The following TTC7A variants were observed in gnomAD, a reference collection of about 807,000 sequenced individuals.
TTC7A encodes tetratricopeptide repeat domain 7A, also known as tetratricopeptide repeat protein 7A.
In TTC7A, 110 loss-of-function variants were observed where a neutral mutation model predicts 103.7. That is an observed-to-expected ratio of 1.06 (90% confidence interval 0.91 to 1.24). The LOEUF (loss-of-function observed/expected upper bound fraction) is 1.24. Among genes scored for constraint, TTC7A ranks in the 50% most tolerant of loss-of-function variants. The pLI is 0.00. For missense variants in TTC7A, 1,340 were observed against 1,116.3 expected, an observed-to-expected ratio of 1.20 and a Z score of -2.86; for synonymous variants, 521 against 467.9, an observed-to-expected ratio of 1.11 and a Z score of -1.47.
At chr2:47,066,029 TA>T (rs1684151972) in intron 19 of TTC7A, 2 of 152,086 alleles carry the variant, frequency 1.3e-5, no homozygotes, top group African/African-American at 4.8e-5. Context: ...ACCCCAGCAG[TA>T]GTGGGGAGAT....
Position 47,044,961 on chromosome 2 carries a change from G to A in TTC7A, c.1803-1354G>A, listed in dbSNP as rs144527521. Among the ~76,000 whole-genome samples, 777 of 152,334 alleles carry A rather than the reference G, an allele frequency of 5.1e-3. 2 individuals carry two copies. The highest frequency in any genetic ancestry group is 7.9e-3 in the Non-Finnish European group (537 of 68,024). ...TGCCAGGGGCAGGCCTGGCCTCACC[G>A]GGTGGCACCTGCAGCCTTCGCAGTC... is the stretch of plus-strand genomic sequence containing the variant. On this transcript the variant is annotated intron_variant, in intron 15 of 19. Coordinates refer to ENST00000319190, the MANE Select transcript of TTC7A (RefSeq NM_020458.4).
At chr2:47,068,570 AGAG>A (rs1251441934) in intron 19 of TTC7A, 1 of 152,040 alleles carries the variant, frequency 6.6e-6, no homozygotes, top group Admixed American at 6.6e-5. Flanking sequence ...ATGGGAAAGT[AGAG>A]GAGACGAAAG....
chr2:46,925,617 A>G (rs1046417877), intron 2 of TTC7A, among the ~76,000 whole-genome samples: 4 of 152,202 alleles, frequency 2.6e-5, no homozygotes, highest in South Asian at 2.1e-4. Context: ...GACTGTATCA[A>G]CTGACTCATT....
chr2:47,051,327 C>T (rs1007333553), intron 17 of TTC7A, among the ~76,000 whole-genome samples: 12 of 152,096 alleles, frequency 7.9e-5, no homozygotes, highest in Non-Finnish European at 2.9e-5. Context: ...CTATATAGTG[C>T]GAACATCTTT....
intron 15 of TTC7A, among the ~76,000 whole-genome samples, chr2:47,041,397 G>A (rs897445350): frequency 6.6e-6 from 1 of 152,172 alleles, no homozygotes; most frequent in African/African-American, 2.4e-5. Context: ...CAAGATAAAC[G>A]GTGGTTTCAC....
chr2:46,995,092 G>T, intron 7 of TTC7A, 44 bp from the exon 8 acceptor site: 1 of 1,601,020 alleles, frequency 6.2e-7, no homozygotes, highest in East Asian at 2.2e-5. Context: ...GTGCTGTCTG[G>T]TGAGGTGTGT....
upstream of TTC7A, among the ~76,000 whole-genome samples, chr2:46,936,281 T>C (rs1669973168): frequency 6.6e-6 from 1 of 152,198 alleles, no homozygotes; most frequent in South Asian, 2.1e-4. Flanking sequence ...GTCATTTTTT[T>C]GTTGTGCATC....
At chr2:46,977,811 G>T (rs1367952422) in intron 4 of TTC7A, among the ~76,000 whole-genome samples, 1 of 152,154 alleles carries the variant, frequency 6.6e-6, no homozygotes, top group African/African-American at 2.4e-5. Context: ...GGCCTCAAGC[G>T]ATTCTCTTGC....
chr2:47,019,177 T>G (rs2104531425), intron 11 of TTC7A, among the ~76,000 whole-genome samples: 1 of 152,332 alleles, frequency 6.6e-6, no homozygotes, highest in South Asian at 2.1e-4. Context: ...ATACTTTTTT[T>G]CCTTCCTAAT....
intron 11 of TTC7A, among the ~76,000 whole-genome samples, chr2:47,019,540 A>C (rs1469225929): frequency 2.6e-5 from 4 of 152,082 alleles, no homozygotes; most frequent in Admixed American, 6.5e-5. Flanking sequence ...GAGTGCTACT[A>C]ATCTCGGGGT....
At chr2:46,947,959 G>A (rs973614213) in intron 1 of TTC7A, among the ~76,000 whole-genome samples, 1 of 152,206 alleles carries the variant, frequency 6.6e-6, no homozygotes, top group African/African-American at 2.4e-5. Flanking sequence ...ACTTGGAGCA[G>A]CCTGGGTCCA....
chr2:46,971,656 A>G (rs1229473760), intron 3 of TTC7A, among the ~76,000 whole-genome samples: 1 of 151,708 alleles, frequency 6.6e-6, no homozygotes, highest in Non-Finnish European at 1.5e-5. Context: ...AAATAAGGTA[A>G]TAGGAAGAGA....
chr2:47,058,096 A>G (rs1247987924), intron 18 of TTC7A, among the ~76,000 whole-genome samples: 1 of 152,188 alleles, frequency 6.6e-6, no homozygotes, highest in African/African-American at 2.4e-5. Flanking sequence ...TGAGGCTGAG[A>G]GAGCCAAATC....
At chr2:46,939,251 T>A (rs1670132695), upstream of TTC7A, among the ~76,000 whole-genome samples, 1 of 151,942 alleles carries the variant, frequency 6.6e-6, no homozygotes, top group African/African-American at 2.4e-5. Flanking sequence ...CTAAAACAAG[T>A]CACTAAGGAA....
chr2:47,062,319 C>A (rs1683856479), intron 19 of TTC7A, among the ~76,000 whole-genome samples: 1 of 152,196 alleles, frequency 6.6e-6, no homozygotes, highest in African/African-American at 2.4e-5. Flanking sequence ...ACTCCCGCTG[C>A]CTGATTTCTA....
rs556603699 is a variant in TTC7A at position 46,975,495 on chromosome 2, A to G, written c.648+392A>G. ...TCCTGTGAGGAAGCAGGATCTTGGG[A>G]CTCCTTCTCCGAGCCTTTCAGAGGC... On this transcript the variant is annotated intron_variant, in intron 4 of 19. Transcript: ENST00000319190. Among the ~76,000 whole-genome samples the G allele has an allele frequency of 1.0e-3, 146 of 145,924 alleles. 1 individual carries two copies. The highest frequency in any genetic ancestry group is 3.6e-3 in the Middle Eastern group (1 of 280).
intron 3 of TTC7A, among the ~76,000 whole-genome samples, chr2:46,959,856 C>A (rs1332677468): frequency 6.6e-6 from 1 of 152,170 alleles, no homozygotes; most frequent in African/African-American, 2.4e-5. Context: ...ACATCACATG[C>A]GTATTTGTGT....
At position 46,975,050 on chromosome 2, in the gene TTC7A, T is replaced by C. The variant is rs1289926825; in HGVS notation, c.595T>C (p.Cys199Arg). ...LTEREEEVIT[C>R]FERASWIAQV... ...AGAGAGGGAGGAGGAAGTGATCACC[T>C]GTTTTGAGAGGGCCTCCTGGATCGC... Residue 199 changes from cysteine to arginine, a missense_variant, in exon 4 of 20, where the codon TGT (cysteine) becomes CGT (arginine). Transcript: ENST00000319190. The C allele has an allele frequency of 6.2e-7, 1 of 1,614,038 alleles. No homozygotes were observed. The highest frequency in any genetic ancestry group is 1.1e-5 in the South Asian group (1 of 91,086).
At chr2:47,072,049 C>G (rs185541572) in intron 19 of TTC7A, among the ~76,000 whole-genome samples, 1 of 152,192 alleles carries the variant, frequency 6.6e-6, no homozygotes, top group Non-Finnish European at 1.5e-5. Flanking sequence ...GGCCTCCTTC[C>G]CTCCTCCCTG....
Sources: allele counts gnomAD v4.1 joint callset (sites outside exome capture counted in the v4.1 genomes callset), GRCh38; gene constraint gnomAD v4.1.1; transcripts MANE v1.5; gene names NCBI Gene and HGNC (gene_info 2026-07-23, HGNC 2026-07-21).